Variants in NTRK3 observed in about 807,000 individuals in gnomAD.
NTRK3 encodes neurotrophic receptor tyrosine kinase 3.
A neutral mutation model predicts 91.7 loss-of-function variants in NTRK3; 24 were observed. The observed-to-expected ratio is 0.26, with a 90% CI of 0.19 to 0.37. NTRK3 has a LOEUF of 0.37. Ranked by LOEUF, NTRK3 falls within the 10% of genes least tolerant of loss-of-function variation. The pLI, the probability that NTRK3 is intolerant of heterozygous loss-of-function variation, is 1.00. For synonymous variants in NTRK3, 483 were observed against 404.0 expected (o/e 1.20, Z -2.34); for missense variants, 880 against 1,068.9 (o/e 0.82, Z 2.46).
At chr15:88,035,203 C>G (rs1381432877) in intron 13 of NTRK3, among the ~76,000 whole-genome samples, 1 of 152,208 alleles carries the variant, frequency 6.6e-6, no homozygotes, top group African/African-American at 2.4e-5. Context: ...GCAGCCAGTT[C>G]TGCTGGAAAG....
At chr15:88,181,483 C>A (rs1428090809) in intron 5 of NTRK3, among the ~76,000 whole-genome samples, 1 of 152,122 alleles carries the variant, frequency 6.6e-6, no homozygotes, top group Admixed American at 6.5e-5. Flanking sequence ...GGTCCTGAAG[C>A]CTCTCCATCT....
At position 88,237,080 on chromosome 15, in the gene NTRK3, A is replaced by G. The variant is rs2051856364; in HGVS notation, c.248+18826T>C. Among the ~76,000 whole-genome samples the G allele has an allele frequency of 6.6e-6, 1 of 152,226 alleles. No individual in the cohort carries two copies. Among genetic ancestry groups the G allele is most frequent in the Non-Finnish European group, 1.5e-5 (1 of 68,026 alleles). The stretch of plus-strand genomic sequence containing the variant: ...ATGACATACATGCTGAAGTATGTAG[A>G]GGGAGCATGCCAACATCTAAAATTT... On this transcript the variant is annotated intron_variant, in intron 3 of 18. Transcript: ENST00000394480. The surrounding 1 kb of genome is among the most constrained non-coding windows in gnomAD (Gnocchi z 4.0).
At position 87,869,297 on chromosome 15, in the gene NTRK3, G is replaced by A. The variant is rs1209037686; in HGVS notation, c.*7638C>T. The A allele has an allele frequency of 9.1e-5, 21 of 230,664 alleles. No individual in the cohort carries two copies. The East Asian group carries it at 1.2e-3, about 13-fold the overall frequency. The allele number at this position is 230,664 out of a possible 1,614,324, so 14.3% of individuals were successfully genotyped here. ...CAGTGGGGAGAGGAGGGTTGCTGAG[G>A]GTGGGCCACCACGGGTTCCAGATGG... On this transcript the variant is annotated 3_prime_UTR_variant, in exon 19 of 19. Transcript: ENST00000394480.
chr15:88,030,184 T>C (rs947363270), intron 14 of NTRK3, among the ~76,000 whole-genome samples: 2 of 152,210 alleles, frequency 1.3e-5, no homozygotes, highest in African/African-American at 4.8e-5. Flanking sequence ...GTCTCATCAG[T>C]AAACCTGCTG....
chr15:87,896,809 G>C (rs74318677), intron 17 of NTRK3, among the ~76,000 whole-genome samples: 3 of 152,138 alleles, frequency 2.0e-5, no homozygotes, highest in African/African-American at 7.2e-5. Context: ...AGTGACATCA[G>C]ACTTCTGACT....
chr15:88,052,824 G>A (rs764604134), intron 13 of NTRK3, among the ~76,000 whole-genome samples: 11 of 152,092 alleles, frequency 7.2e-5, no homozygotes, highest in Admixed American at 1.3e-4. Flanking sequence ...CTCACCCATC[G>A]AACAGGTTGT....
intron 17 of NTRK3, chr15:87,916,524 CT>C: frequency 1.4e-6 from 1 of 702,186 alleles, no homozygotes. Flanking sequence ...TCTTCCCCGT[CT>C]TTTTTCCCCA....
intron 3 of NTRK3, among the ~76,000 whole-genome samples, chr15:88,193,053 C>G (rs959167173): frequency 1.3e-5 from 2 of 152,168 alleles, no homozygotes; most frequent in African/African-American, 4.8e-5. Context: ...CATTTACTCA[C>G]CCCCAGAATC....
intron 13 of NTRK3, among the ~76,000 whole-genome samples, chr15:88,058,183 G>C (rs764802802): frequency 6.6e-6 from 1 of 152,166 alleles, no homozygotes; most frequent in Admixed American, 6.5e-5. Context: ...AACTTGGATC[G>C]CTTTGGCCAA....
At chr15:88,084,228 C>T (rs1451923266) in intron 13 of NTRK3, among the ~76,000 whole-genome samples, 2 of 152,060 alleles carry the variant, frequency 1.3e-5, no homozygotes, top group Admixed American at 6.5e-5. Flanking sequence ...AGACCCCAAC[C>T]AACTAAAAGG....
intron 17 of NTRK3, among the ~76,000 whole-genome samples, chr15:87,899,297 A>G (rs2066313617): frequency 6.6e-6 from 1 of 152,140 alleles, no homozygotes; most frequent in Non-Finnish European, 1.5e-5. Flanking sequence ...AGCTCTTTCA[A>G]CGTAAGGCTG....
chr15:88,016,254 C>T (rs537667490), intron 14 of NTRK3, among the ~76,000 whole-genome samples: 53 of 152,244 alleles, frequency 3.5e-4, no homozygotes, highest in Admixed American at 1.5e-3. Flanking sequence ...CATAGAGAGG[C>T]TAACCAGAGC....
chr15:88,171,911 C>T (rs1023437259), intron 5 of NTRK3, among the ~76,000 whole-genome samples: 8 of 152,256 alleles, frequency 5.3e-5, no homozygotes, highest in Admixed American at 2.0e-4. Context: ...CCCCATGGGG[C>T]GTACACATCA....
chr15:88,052,344 G>C (rs1254008054), intron 13 of NTRK3, among the ~76,000 whole-genome samples: 1 of 152,198 alleles, frequency 6.6e-6, no homozygotes, highest in African/African-American at 2.4e-5. Flanking sequence ...GGAAGCTATG[G>C]CTCCAAGAGA....
chr15:88,098,179 G>A (rs999535626), intron 13 of NTRK3, among the ~76,000 whole-genome samples: 5 of 152,176 alleles, frequency 3.3e-5, no homozygotes, highest in Admixed American at 6.5e-5. Context: ...CTTTGAGCAC[G>A]GAAGAGCAAC....
intron 14 of NTRK3, among the ~76,000 whole-genome samples, chr15:87,953,428 G>C (rs2071345468): frequency 6.6e-6 from 1 of 152,208 alleles, no homozygotes; most frequent in Non-Finnish European, 1.5e-5. Flanking sequence ...GAGTCACATA[G>C]AGAAGTGTGA....
intron 15 of NTRK3, among the ~76,000 whole-genome samples, chr15:87,933,881 C>T (rs2069026697): frequency 6.6e-6 from 1 of 152,132 alleles, no homozygotes; most frequent in African/African-American, 2.4e-5. Flanking sequence ...CTTCAAAGTC[C>T]TAGTGCAGGA....
intron 13 of NTRK3, among the ~76,000 whole-genome samples, chr15:88,056,800 T>G (rs143597537): frequency 6.6e-6 from 1 of 152,294 alleles, no homozygotes; most frequent in African/African-American, 2.4e-5. Flanking sequence ...CTGGTTGGCT[T>G]AGGGTTGTGA....
At chr15:88,208,420 C>A (rs552568455) in intron 3 of NTRK3, among the ~76,000 whole-genome samples, 2 of 152,284 alleles carry the variant, frequency 1.3e-5, no homozygotes, top group African/African-American at 4.8e-5. Context: ...AGCAATTTGA[C>A]ATTTGCATGA....
Sources: gnomAD v4.1 joint callset for allele counts (sites outside exome capture counted in the v4.1 genomes callset) on GRCh38, gnomAD v4.1.1 for gene constraint, Gnocchi (gnomAD v3.1) non-coding constraint, MANE v1.5 for transcripts, NCBI Gene and HGNC (gene_info 2026-07-23, HGNC 2026-07-21) for gene names.